The following GALNT13 variants were observed in gnomAD, a reference collection of about 807,000 sequenced individuals.
The protein encoded by GALNT13 is polypeptide N-acetylgalactosaminyltransferase 13, also known as UDP-GalNAc:polypeptide N-acetylgalactosaminyltransferase 13.
GALNT13 carries 28 observed loss-of-function variants against 64.2 expected under a neutral mutation model. The observed-to-expected ratio is 0.44, with a 90% CI of 0.32 to 0.60. The LOEUF (loss-of-function observed/expected upper bound fraction) is 0.60, where lower values mean the gene tolerates loss of function less well. Among genes scored for constraint, GALNT13 ranks in the 20% least tolerant of loss-of-function variants. The pLI is 0.05. For missense variants in GALNT13, 577 were observed against 669.8 expected (o/e 0.86, Z 1.53); for synonymous variants, 214 against 224.6 (o/e 0.95, Z 0.42).
chr2:153,712,610 G>C, the GALNT13 span, among the ~76,000 whole-genome samples: 3 of 152,120 alleles, frequency 2.0e-5, no homozygotes, highest in Non-Finnish European at 4.4e-5. Flanking sequence ...GTTAAAACCT[G>C]TTTCTCTTGT....
intron 3 of GALNT13, among the ~76,000 whole-genome samples, chr2:154,098,197 A>T: frequency 7.0e-6 from 1 of 143,444 alleles, no homozygotes; most frequent in South Asian, 2.1e-4. Flanking sequence ...CCATTACCAT[A>T]TGATGATGTT....
chr2:153,259,832 G>A, the GALNT13 span, among the ~76,000 whole-genome samples: 1 of 152,002 alleles, frequency 6.6e-6, no homozygotes, highest in Non-Finnish European at 1.5e-5. Context: ...TACTTGCCAC[G>A]TTGTTATTTT....
chr2:153,150,849 A>G, the GALNT13 span, among the ~76,000 whole-genome samples: 1 of 152,152 alleles, frequency 6.6e-6, no homozygotes, highest in Non-Finnish European at 1.5e-5. Context: ...TTTTGGTATC[A>G]GTACCATGCT....
chr2:153,844,742 C>A, the GALNT13 span, among the ~76,000 whole-genome samples: 1 of 152,206 alleles, frequency 6.6e-6, no homozygotes, highest in East Asian at 1.9e-4. Context: ...CATTTCTTTC[C>A]TCTCACATCT....
the GALNT13 span, among the ~76,000 whole-genome samples, chr2:153,422,467 C>T: frequency 2.6e-5 from 4 of 152,130 alleles, no homozygotes; most frequent in African/African-American, 7.2e-5. Context: ...TTCTAGAGGA[C>T]TGCTGTACAA....
chr2:153,912,002 C>A (rs193301396), intron 2 of GALNT13, among the ~76,000 whole-genome samples: 1 of 152,236 alleles, frequency 6.6e-6, no homozygotes, highest in Non-Finnish European at 1.5e-5. Flanking sequence ...TCATGCTTCC[C>A]AAGTTGCTTC....
the GALNT13 span, among the ~76,000 whole-genome samples, chr2:153,410,320 T>A: frequency 0.047 from 7,157 of 152,168 alleles, 242 homozygotes; most frequent in South Asian, 0.14. Context: ...TATCTAGAAC[T>A]CCTGGGCTCA....
intron 3 of GALNT13, among the ~76,000 whole-genome samples, chr2:154,034,234 G>A (rs1229126039): frequency 6.6e-6 from 1 of 152,102 alleles, no homozygotes; most frequent in Non-Finnish European, 1.5e-5. Flanking sequence ...CATTCAACCA[G>A]TGAATGCATA....
At chr2:154,020,734 A>G (rs112579809) in intron 3 of GALNT13, among the ~76,000 whole-genome samples, 113,564 of 148,654 alleles carry the variant, frequency 0.76, 43,776 homozygotes, top group East Asian at 0.96. Context: ...TTTGGCTTTT[A>G]TTGCCATTGC....
the GALNT13 span, among the ~76,000 whole-genome samples, chr2:153,747,119 A>C: frequency 6.6e-6 from 1 of 152,056 alleles, no homozygotes; most frequent in Non-Finnish European, 1.5e-5. Context: ...GGGATACATG[A>C]GATGTTTTGA....
the GALNT13 span, among the ~76,000 whole-genome samples, chr2:153,279,967 T>C: frequency 6.6e-6 from 1 of 152,208 alleles, no homozygotes. Context: ...ATACATCTGA[T>C]AGAAGTTTGC....
chr2:154,405,873 C>T (rs1469416815), intron 10 of GALNT13, among the ~76,000 whole-genome samples: 1 of 151,942 alleles, frequency 6.6e-6, no homozygotes, highest in East Asian at 1.9e-4. Flanking sequence ...ATAAAAAAAT[C>T]AGTTTGGCTT....
intron 9 of GALNT13, among the ~76,000 whole-genome samples, chr2:154,355,901 G>A (rs909674541): frequency 6.6e-6 from 1 of 151,968 alleles, no homozygotes; most frequent in Admixed American, 6.6e-5. Flanking sequence ...TTAGTGACAG[G>A]AATCTCAGTC....
At position 153,894,720 on chromosome 2, in the gene GALNT13, G is replaced by A. The variant is rs1389723072; in HGVS notation, c.-176-6216G>A. Among the ~76,000 whole-genome samples, 7 of 152,124 alleles carry A rather than the reference G, an allele frequency of 4.6e-5. No individual in the cohort carries two copies. In the East Asian group the frequency reaches 9.7e-4, roughly 21 times the overall value. ...CACTTCTAAGAGCAGAAAAAATGGGGTAACAGCCAACATGTCTGAGAGAAG... is the reference window on the plus strand; with the variant it reads ...CACTTCTAAGAGCAGAAAAAATGGGATAACAGCCAACATGTCTGAGAGAAG... On this transcript the variant is annotated intron_variant, in intron 1 of 12. Transcript: ENST00000392825.
the GALNT13 span, among the ~76,000 whole-genome samples, chr2:153,590,494 C>T: frequency 6.6e-6 from 1 of 152,018 alleles, no homozygotes; most frequent in Non-Finnish European, 1.5e-5. Context: ...GCCAGTATTA[C>T]ACTGATACCA....
At chr2:153,936,794 C>T (rs1690958034) in intron 2 of GALNT13, among the ~76,000 whole-genome samples, 1 of 151,680 alleles carries the variant, frequency 6.6e-6, no homozygotes, top group African/African-American at 2.4e-5. Context: ...GATCTTGGCT[C>T]ACTGCCATCT....
intron 9 of GALNT13, among the ~76,000 whole-genome samples, chr2:154,356,813 T>C (rs1386711854): frequency 6.6e-6 from 1 of 152,034 alleles, no homozygotes; most frequent in East Asian, 1.9e-4. Context: ...TGCATATTTT[T>C]CAAATGTACA....
chr2:153,753,348 T>C, the GALNT13 span, among the ~76,000 whole-genome samples: 2 of 152,198 alleles, frequency 1.3e-5, no homozygotes, highest in Non-Finnish European at 2.9e-5. Flanking sequence ...GTGTTTATTA[T>C]AGTCTTCACA....
At chr2:153,702,895 G>A in the GALNT13 span, among the ~76,000 whole-genome samples, 5 of 152,250 alleles carry the variant, frequency 3.3e-5, no homozygotes, top group East Asian at 7.7e-4. Context: ...ATCACTTGAT[G>A]AGCATGAAAA....
Sources: allele counts gnomAD v4.1 joint callset (sites outside exome capture counted in the v4.1 genomes callset), GRCh38; gene constraint gnomAD v4.1.1; transcripts MANE v1.5; gene names NCBI Gene and HGNC (gene_info 2026-07-23, HGNC 2026-07-21).